KLF12: variants seen among roughly 807,000 people sequenced by gnomAD.
KLF12 encodes the protein Krueppel-like factor 12.
A neutral mutation model predicts 37.8 loss-of-function variants in KLF12; 9 were observed. The observed-to-expected ratio is 0.24, with a 90% CI of 0.14 to 0.42. KLF12 has a LOEUF of 0.42. Ranked by LOEUF, KLF12 falls within the 10% of genes least tolerant of loss-of-function variation. The pLI, the probability that KLF12 is intolerant of heterozygous loss-of-function variation, is 1.00. For missense variants in KLF12, 411 were observed against 516.0 expected (o/e 0.80, Z 1.97); for synonymous variants, 208 against 202.1 (o/e 1.03, Z -0.25).
At chr13:74,192,804 A>C in the KLF12 span, among the ~76,000 whole-genome samples, 7 of 152,300 alleles carry the variant, frequency 4.6e-5, no homozygotes, top group Admixed American at 4.6e-4. Context: ...TTAAATTCTT[A>C]GAATGCACAG....
chr13:74,201,462 C>G, the KLF12 span, among the ~76,000 whole-genome samples: 2 of 152,020 alleles, frequency 1.3e-5, no homozygotes, highest in African/African-American at 4.8e-5. Context: ...ATGTTTTGTT[C>G]TCCTTGGTTA....
the KLF12 span, among the ~76,000 whole-genome samples, chr13:74,281,670 T>A: frequency 1.3e-5 from 2 of 152,178 alleles, no homozygotes; most frequent in Non-Finnish European, 2.9e-5. Flanking sequence ...TCAAAATATG[T>A]ACAAATTCAG....
At chr13:73,969,175 G>A (rs770675215) in intron 2 of KLF12, among the ~76,000 whole-genome samples, 2 of 152,102 alleles carry the variant, frequency 1.3e-5, no homozygotes, top group African/African-American at 4.8e-5. Flanking sequence ...AATTACTGAC[G>A]GGCCAGAATA....
At chr13:73,812,672 C>T (rs1998571) in intron 5 of KLF12, among the ~76,000 whole-genome samples, 1 of 151,628 alleles carries the variant, frequency 6.6e-6, no homozygotes, top group Non-Finnish European at 1.5e-5. Context: ...GGTAAAAGGA[C>T]AGAGAAAAGA....
At position 74,092,177 on chromosome 13, in the gene KLF12, G is replaced by T. The variant is rs1875706607; in HGVS notation, c.-32+41562C>A. On this transcript the variant is annotated intron_variant, in intron 1 of 7. Coordinates refer to ENST00000377669, the MANE Select transcript of KLF12 (RefSeq NM_007249.5). ...CTGGGTGTGGTGGCGGGTGCCTGTA[G>T]TCCCAGCTATCTGGGAGGCTGAGGC... Among the ~76,000 whole-genome samples, 3 of 148,788 alleles carry T rather than the reference G, an allele frequency of 2.0e-5. No homozygotes were observed. In the South Asian group the frequency reaches 6.4e-4, roughly 32 times the overall value.
intron 1 of KLF12, among the ~76,000 whole-genome samples, chr13:74,008,009 T>C (rs748174957): frequency 2.6e-5 from 4 of 152,092 alleles, no homozygotes; most frequent in East Asian, 1.9e-4. Context: ...AACAGTTACA[T>C]TGAGAGAGTG....
intron 1 of KLF12, among the ~76,000 whole-genome samples, chr13:74,072,688 C>T (rs963500808): frequency 4.0e-5 from 6 of 151,832 alleles, no homozygotes; most frequent in African/African-American, 1.2e-4. Flanking sequence ...GCACGCCACC[C>T]GGGTGACAGA....
At chr13:73,738,124 T>TATATATACACAC (rs1305200790) in intron 6 of KLF12, among the ~76,000 whole-genome samples, 1 of 81,932 alleles carries the variant, frequency 1.2e-5, no homozygotes, top group Non-Finnish European at 2.2e-5. Context: ...TATATATATA[T>TATATATACACAC]ACACACACAC....
intron 1 of KLF12, among the ~76,000 whole-genome samples, chr13:74,072,563 TC>T (rs1166082444): frequency 6.6e-5 from 10 of 151,196 alleles, no homozygotes; most frequent in Admixed American, 1.3e-4. Flanking sequence ...CATAGCAAGG[TC>T]CTCTACAAAA....
At chr13:74,217,298 G>A in the KLF12 span, among the ~76,000 whole-genome samples, 2 of 149,028 alleles carry the variant, frequency 1.3e-5, no homozygotes, top group Non-Finnish European at 3.0e-5. Context: ...ATTCATTGTG[G>A]CATAATAGAT....
At chr13:73,867,919 G>A (rs1886259981) in intron 3 of KLF12, among the ~76,000 whole-genome samples, 1 of 151,844 alleles carries the variant, frequency 6.6e-6, no homozygotes, top group Admixed American at 6.6e-5. Flanking sequence ...TACTTGAGAG[G>A]TTGAGGCAGG....
At chr13:73,717,105 A>T (rs1243063718) in intron 6 of KLF12, among the ~76,000 whole-genome samples, 1 of 152,242 alleles carries the variant, frequency 6.6e-6, no homozygotes, top group Non-Finnish European at 1.5e-5. Flanking sequence ...CTGCAACTGT[A>T]TCATGAAAGC....
At chr13:74,199,040 C>A in the KLF12 span, among the ~76,000 whole-genome samples, 4 of 152,170 alleles carry the variant, frequency 2.6e-5, no homozygotes, top group Non-Finnish European at 4.4e-5. Flanking sequence ...TGGGATGGAA[C>A]CAGCATGAGA....
At chr13:73,839,236 G>T (rs1487719634) in intron 4 of KLF12, among the ~76,000 whole-genome samples, 1 of 150,466 alleles carries the variant, frequency 6.6e-6, no homozygotes, top group African/African-American at 2.4e-5. Flanking sequence ...GGGACCACAG[G>T]TGCTTACCAC....
intron 6 of KLF12, 100 bp from the exon 7 acceptor site, chr13:73,715,625 A>G (rs536457284): frequency 1.7e-6 from 2 of 1,164,064 alleles, no homozygotes; most frequent in South Asian, 3.0e-5. Context: ...AGCTTCACAG[A>G]CTCAAGGCCA....
chr13:74,099,638 G>C (rs1369203412), intron 1 of KLF12, among the ~76,000 whole-genome samples: 1 of 152,078 alleles, frequency 6.6e-6, no homozygotes, highest in African/African-American at 2.4e-5. Flanking sequence ...CCTAGGCATG[G>C]GAAGAAAACC....
At chr13:73,840,119 C>T (rs1299318753) in intron 4 of KLF12, among the ~76,000 whole-genome samples, 1 of 152,138 alleles carries the variant, frequency 6.6e-6, no homozygotes, top group African/African-American at 2.4e-5. Flanking sequence ...CACTCCCTCG[C>T]CAAATGCACA....
chr13:73,834,665 C>T (rs986969725), intron 4 of KLF12, among the ~76,000 whole-genome samples: 1 of 152,192 alleles, frequency 6.6e-6, no homozygotes, highest in African/African-American at 2.4e-5. Context: ...GCGTATGCCA[C>T]CATGCCCGGC....
the KLF12 span, among the ~76,000 whole-genome samples, chr13:74,289,760 T>C: frequency 6.6e-6 from 1 of 152,080 alleles, no homozygotes; most frequent in Non-Finnish European, 1.5e-5. Context: ...GAAACAGAAG[T>C]TTAAAGAGAG....
Sources: gnomAD v4.1 joint callset for allele counts (sites outside exome capture counted in the v4.1 genomes callset) on GRCh38, gnomAD v4.1.1 for gene constraint, MANE v1.5 for transcripts, NCBI Gene and HGNC (gene_info 2026-07-23, HGNC 2026-07-21) for gene names.